LARGE1: variants seen among roughly 807,000 people sequenced by gnomAD.
The protein encoded by LARGE1 is LARGE xylosyl- and glucuronyltransferase 1.
LARGE1 carries 43 observed loss-of-function variants against 87.6 expected under a neutral mutation model. The observed-to-expected ratio is 0.49, with a 90% CI of 0.38 to 0.63. LARGE1 has a LOEUF of 0.63. Ranked by LOEUF, LARGE1 falls within the 30% of genes least tolerant of loss-of-function variation. LARGE1 has a pLI of 0.00. For synonymous variants in LARGE1, 434 were observed against 394.6 expected, an observed-to-expected ratio of 1.10 and a Z score of -1.18; for missense variants, 802 against 1,000.2, an observed-to-expected ratio of 0.80 and a Z score of 2.67.
At chr22:33,210,915 G>A (rs1226044077) in intron 11 of LARGE1, among the ~76,000 whole-genome samples, 2 of 152,222 alleles carry the variant, frequency 1.3e-5, no homozygotes, top group African/African-American at 4.8e-5. Context: ...ACAAGGTACA[G>A]GCAGACCTCG....
At chr22:33,734,126 T>C (rs2083567670) in intron 2 of LARGE1, among the ~76,000 whole-genome samples, 1 of 152,188 alleles carries the variant, frequency 6.6e-6, no homozygotes, top group Non-Finnish European at 1.5e-5. Context: ...CCTCTGTACA[T>C]GTCATTCTGT....
At chr22:33,712,034 G>A (rs758628660) in intron 2 of LARGE1, among the ~76,000 whole-genome samples, 1 of 152,126 alleles carries the variant, frequency 6.6e-6, no homozygotes, top group Non-Finnish European at 1.5e-5. Context: ...AACGTGTGCT[G>A]CATATTGAGT....
chr22:33,730,836 G>C (rs534695244), intron 2 of LARGE1, among the ~76,000 whole-genome samples: 13 of 151,994 alleles, frequency 8.6e-5, no homozygotes, highest in African/African-American at 2.9e-4. Flanking sequence ...GGGATTACAG[G>C]CATGCGCCAC....
At chr22:33,526,463 C>T (rs1389356491) in intron 6 of LARGE1, among the ~76,000 whole-genome samples, 4 of 152,252 alleles carry the variant, frequency 2.6e-5, no homozygotes, top group Non-Finnish European at 4.4e-5. Flanking sequence ...CCTTTGCAGG[C>T]ATTTATCAGA....
chr22:33,238,130 T>C (rs937650277), intron 11 of LARGE1, among the ~76,000 whole-genome samples: 2 of 152,210 alleles, frequency 1.3e-5, no homozygotes, highest in African/African-American at 2.4e-5. Flanking sequence ...AAAAGCTGTT[T>C]AGAGTTTTTA....
chr22:33,705,586 C>A (rs1016080763), intron 2 of LARGE1, among the ~76,000 whole-genome samples: 1 of 152,204 alleles, frequency 6.6e-6, no homozygotes, highest in African/African-American at 2.4e-5. Context: ...GAAAGCAAAG[C>A]GACTTGTCCA....
At chr22:33,769,506 T>A (rs932027639) in intron 1 of LARGE1, among the ~76,000 whole-genome samples, 3 of 152,284 alleles carry the variant, frequency 2.0e-5, no homozygotes, top group Admixed American at 6.5e-5. Flanking sequence ...ATTGAATGGA[T>A]CAATGACTAT....
chr22:33,281,557 G>C (rs1930450351), intron 13 of LARGE1, among the ~76,000 whole-genome samples: 1 of 152,152 alleles, frequency 6.6e-6, no homozygotes, highest in Non-Finnish European at 1.5e-5. Context: ...CCATGCAATG[G>C]GGATGATAGT....
chr22:33,854,746 T>C (rs2063708607), intron 1 of LARGE1, among the ~76,000 whole-genome samples: 2 of 152,104 alleles, frequency 1.3e-5, no homozygotes, highest in African/African-American at 4.8e-5. Flanking sequence ...AGAAGGAATC[T>C]TGGGAGATGC....
rs71187287 is a variant in LARGE1, at chr22:33,849,592, C to CTTTTTTTT, written c.-83+70395_-83+70402dup. Reference sequence around the variant, plus strand: ...CTTTAGTTCTTTTTTCTTTTCTTCTCTTTTTTTTTTTTTTTTTTTTTTTTG... The same window carrying CTTTTTTTT: ...CTTTAGTTCTTTTTTCTTTTCTTCTCTTTTTTTTTTTTTTTTTTTTTTTTTTTTTTTTG... On this transcript the variant is annotated intron_variant, in intron 1 of 14. Coordinates refer to ENST00000397394, the MANE Select transcript of LARGE1 (RefSeq NM_133642.5). Among the ~76,000 whole-genome samples, 28 of 88,588 alleles carry CTTTTTTTT rather than the reference C, an allele frequency of 3.2e-4. 1 individual carries two copies. The highest frequency in any genetic ancestry group is 1.1e-3 in the African/African-American group (23 of 21,148). The allele number at this position is 88,588 out of a possible 152,430, so 58.1% of individuals were successfully genotyped here. A position where few individuals can be genotyped will look rare whatever the true frequency, so the allele number is the denominator to read the frequency against.
chr22:33,709,649 G>A lies in LARGE1; in HGVS notation c.106+51722C>T, dbSNP rs1465362587. On this transcript the variant is annotated intron_variant, in intron 2 of 14. Coordinates refer to ENST00000397394, the MANE Select transcript of LARGE1 (RefSeq NM_133642.5). ...AATTCTTTTTTTTTTTTTTTGAGACGGAGTCTTGCTCTGTCACCCAGGCTG... is the reference window on the plus strand; with the variant it reads ...AATTCTTTTTTTTTTTTTTTGAGACAGAGTCTTGCTCTGTCACCCAGGCTG... Among the ~76,000 whole-genome samples the A allele has an allele frequency of 2.2e-4, 30 of 137,614 alleles. 1 individual carries two copies. Among genetic ancestry groups the A allele is most frequent in the Admixed American group, 1.4e-3 (19 of 13,720 alleles). 90.3% of individuals were successfully genotyped at this position (137,614 alleles called of 152,430 possible).
intron 6 of LARGE1, among the ~76,000 whole-genome samples, chr22:33,447,004 C>T (rs1420384904): frequency 1.3e-5 from 2 of 152,228 alleles, no homozygotes; most frequent in Non-Finnish European, 2.9e-5. Flanking sequence ...AGTGATTCTC[C>T]TGCCTCAGCC....
intron 4 of LARGE1, among the ~76,000 whole-genome samples, chr22:33,624,676 T>C (rs5999039): frequency 5.3e-5 from 8 of 152,258 alleles, no homozygotes; most frequent in African/African-American, 1.9e-4. Flanking sequence ...AACCTGGTCT[T>C]TGTGCCATGG....
chr22:33,666,399 G>T (rs928120506), intron 2 of LARGE1, among the ~76,000 whole-genome samples: 3 of 152,176 alleles, frequency 2.0e-5, no homozygotes, highest in African/African-American at 7.2e-5. Context: ...ACCCTGCCTG[G>T]GTTGTCCTGT....
chr22:33,560,876 G>A (rs1189438898), intron 6 of LARGE1, among the ~76,000 whole-genome samples: 3 of 151,148 alleles, frequency 2.0e-5, no homozygotes, highest in Admixed American at 2.0e-4. Flanking sequence ...GTGCAGTGGC[G>A]CCATCTCGGC....
chr22:33,149,498 G>C, the LARGE1 span, among the ~76,000 whole-genome samples: 2 of 152,108 alleles, frequency 1.3e-5, no homozygotes, highest in African/African-American at 4.8e-5. Context: ...ATATTTTTCT[G>C]AAAGTTTTGT....
intron 1 of LARGE1, among the ~76,000 whole-genome samples, chr22:33,910,446 T>A (rs1471626344): frequency 6.6e-6 from 1 of 152,186 alleles, no homozygotes; most frequent in Non-Finnish European, 1.5e-5. Context: ...TCCCATCTCC[T>A]AATCACTAAG....
intron 2 of LARGE1, among the ~76,000 whole-genome samples, chr22:33,675,292 C>A (rs1219638736): frequency 3.0e-4 from 10 of 32,916 alleles, no homozygotes; most frequent in African/African-American, 6.1e-4. Context: ...GAAACTCCAT[C>A]AAAAAAAAAA....
At chr22:33,829,596 C>A (rs1426724882) in intron 1 of LARGE1, among the ~76,000 whole-genome samples, 1 of 152,114 alleles carries the variant, frequency 6.6e-6, no homozygotes, top group Admixed American at 6.5e-5. Context: ...AAAATTCTCC[C>A]AGCCTTAATA....
Sources: gnomAD v4.1 joint callset for allele counts (sites outside exome capture counted in the v4.1 genomes callset) on GRCh38, gnomAD v4.1.1 for gene constraint, MANE v1.5 for transcripts, NCBI Gene and HGNC (gene_info 2026-07-23, HGNC 2026-07-21) for gene names.